The following ERBB4 variants were observed in gnomAD, a reference collection of about 807,000 sequenced individuals.
ERBB4 encodes the protein erb-b2 receptor tyrosine kinase 4, also known as receptor tyrosine-protein kinase erbB-4.
In ERBB4, 42 loss-of-function variants were observed where a neutral mutation model predicts 158.0. That is an observed-to-expected ratio of 0.27 (90% CI 0.21 to 0.34). The LOEUF is 0.34. Among genes scored for constraint, ERBB4 ranks in the 10% least tolerant of loss-of-function variants. ERBB4 has a pLI of 1.00. For missense variants in ERBB4, 1,333 were observed against 1,624.1 expected (o/e 0.82, Z 3.08); for synonymous variants, 583 against 558.7 (o/e 1.04, Z -0.61).
intron 1 of ERBB4, among the ~76,000 whole-genome samples, chr2:212,272,216 G>A (rs541976905): frequency 5.3e-5 from 8 of 151,724 alleles, no homozygotes; most frequent in African/African-American, 1.9e-4. Context: ...TGCCAAAAAG[G>A]TATTTAATTT....
intron 19 of ERBB4, among the ~76,000 whole-genome samples, chr2:211,616,918 A>G (rs545723015): frequency 1.3e-5 from 2 of 152,194 alleles, no homozygotes; most frequent in South Asian, 2.1e-4. Context: ...AAATCCATCA[A>G]CCATCTAGGA....
intron 1 of ERBB4, among the ~76,000 whole-genome samples, chr2:212,516,901 G>C (rs1303937029): frequency 2.0e-5 from 3 of 152,124 alleles, no homozygotes; most frequent in African/African-American, 7.2e-5. Context: ...TAGGCAGAAT[G>C]TGTTGAATGT....
At chr2:211,859,127 C>T (rs536839785) in intron 3 of ERBB4, among the ~76,000 whole-genome samples, 38 of 152,304 alleles carry the variant, frequency 2.5e-4, no homozygotes, top group African/African-American at 8.4e-4. Flanking sequence ...TCCTCTGCCT[C>T]TGCAGCCTTC....
chr2:212,181,661 A>C lies in ERBB4; in HGVS notation c.83-56758T>G, dbSNP rs370742272. ...GACTGACAATTATGTCATATAAAAA[A>C]TAAGTCACAATTAATAAAAATCAAA... On this transcript the variant is annotated intron_variant, in intron 1 of 27. Coordinates refer to ENST00000342788, the MANE Select transcript of ERBB4 (RefSeq NM_005235.3). Among the ~76,000 whole-genome samples the C allele has an allele frequency of 3.3e-5, 5 of 151,930 alleles. No homozygotes were observed. The South Asian group carries it at 1.0e-3, about 31-fold the overall frequency.
intron 1 of ERBB4, among the ~76,000 whole-genome samples, chr2:212,316,246 G>A (rs537780554): frequency 6.6e-6 from 1 of 151,202 alleles, no homozygotes; most frequent in Non-Finnish European, 1.5e-5. Flanking sequence ...GTAGTATGGT[G>A]CACTGTAAGA....
intron 1 of ERBB4, among the ~76,000 whole-genome samples, chr2:212,285,007 T>C (rs7570761): frequency 0.98 from 148,701 of 152,180 alleles, 72,771 homozygotes; most frequent in African/African-American, 0.99. Context: ...AGGTTTCTCT[T>C]ATAACCTTAA....
intron 20 of ERBB4, among the ~76,000 whole-genome samples, chr2:211,512,312 A>C (rs2065902880): frequency 6.6e-6 from 1 of 152,096 alleles, no homozygotes; most frequent in South Asian, 2.1e-4. Context: ...GTCATCCTAT[A>C]TCTTATTGCA....
intron 4 of ERBB4, among the ~76,000 whole-genome samples, chr2:211,772,830 T>TACACATACACATAC (rs1304326378): frequency 8.1e-5 from 1 of 12,290 alleles, no homozygotes; most frequent in African/African-American, 3.8e-4. Flanking sequence ...TATATATATA[T>TACACATACACATAC]ATATACACAT....
intron 4 of ERBB4, among the ~76,000 whole-genome samples, chr2:211,775,672 G>A (rs2075854922): frequency 6.6e-6 from 1 of 152,144 alleles, no homozygotes; most frequent in Non-Finnish European, 1.5e-5. Context: ...ATTAGTAATA[G>A]TGATATCTAG....
intron 4 of ERBB4, among the ~76,000 whole-genome samples, chr2:211,760,530 C>T (rs909465753): frequency 2.6e-5 from 4 of 152,152 alleles, no homozygotes; most frequent in Non-Finnish European, 5.9e-5. Flanking sequence ...TAAATTCTTG[C>T]ATTTGTGGTT....
At chr2:212,507,210 G>GAA (rs537942260) in intron 1 of ERBB4, among the ~76,000 whole-genome samples, 7 of 137,726 alleles carry the variant, frequency 5.1e-5, no homozygotes, top group East Asian at 2.1e-4. Context: ...CTATTGCTCA[G>GAA]AAAAAAAAAA....
intron 1 of ERBB4, among the ~76,000 whole-genome samples, chr2:212,248,416 G>A (rs1360161251): frequency 6.6e-6 from 1 of 152,084 alleles, no homozygotes; most frequent in African/African-American, 2.4e-5. Flanking sequence ...TATATACTTG[G>A]TTTATGGCAT....
At chr2:211,960,716 A>G (rs1397836432) in intron 2 of ERBB4, 2 of 152,054 alleles carry the variant, frequency 1.3e-5, no homozygotes, top group Non-Finnish European at 2.9e-5. Flanking sequence ...CACACAGCAG[A>G]AGGGGCAAGG....
At chr2:211,436,076 A>C (rs992167478) in intron 20 of ERBB4, among the ~76,000 whole-genome samples, 1 of 152,036 alleles carries the variant, frequency 6.6e-6, no homozygotes, top group African/African-American at 2.4e-5. Context: ...CCTGCCTCAG[A>C]CTTCCAAAGT....
rs549208569 is a variant in ERBB4 at position 211,563,430 on chromosome 2, T to C, written c.2302-1342A>G. 2.0e-4 allele frequency among the ~76,000 whole-genome samples: 30 copies of C among 152,306 alleles called. No individual in the cohort carries two copies. The South Asian group carries it at 5.0e-3, about 25-fold the overall frequency. ...GACAAATCCATATTGTAGGACATTC[T>C]GCAAAGAAACTGGCCTGTACTTATT... On this transcript the variant is annotated intron_variant, in intron 19 of 27. Transcript: ENST00000342788.
intron 2 of ERBB4, among the ~76,000 whole-genome samples, chr2:212,057,312 C>T (rs1014428587): frequency 6.6e-6 from 1 of 152,186 alleles, no homozygotes; most frequent in African/African-American, 2.4e-5. Context: ...CAGACTTAGA[C>T]TCCCACACAA....
intron 19 of ERBB4, among the ~76,000 whole-genome samples, chr2:211,566,698 A>T (rs2067558763): frequency 6.6e-6 from 1 of 152,196 alleles, no homozygotes; most frequent in South Asian, 2.1e-4. Context: ...GTAAAAATAT[A>T]CACATACCGA....
chr2:212,339,030 G>A (rs569330328), intron 1 of ERBB4, among the ~76,000 whole-genome samples: 51 of 151,932 alleles, frequency 3.4e-4, no homozygotes, highest in African/African-American at 1.1e-3. Context: ...TTTAAGTTCC[G>A]GGGTACATGT....
intron 20 of ERBB4, among the ~76,000 whole-genome samples, chr2:211,545,541 T>A (rs963772274): frequency 6.6e-6 from 1 of 152,140 alleles, no homozygotes; most frequent in African/African-American, 2.4e-5. Flanking sequence ...ATCATTCATT[T>A]TATTTTTAAA....
Sources: gnomAD v4.1 joint callset for allele counts (sites outside exome capture counted in the v4.1 genomes callset) on GRCh38, gnomAD v4.1.1 for gene constraint, MANE v1.5 for transcripts, NCBI Gene and HGNC (gene_info 2026-07-23, HGNC 2026-07-21) for gene names.